The following SPAG16 variants were observed in gnomAD, a reference collection of about 807,000 sequenced individuals.
SPAG16 encodes sperm-associated antigen 16 protein.
In SPAG16, 86 loss-of-function variants were observed where a neutral mutation model predicts 80.4. The ratio of observed to expected loss-of-function variants is 1.07; its 90% CI spans 0.90 to 1.28. The LOEUF (loss-of-function observed/expected upper bound fraction) is 1.28, where lower values mean the gene tolerates loss of function less well. SPAG16 is among the 50% of genes most tolerant of loss of function. The pLI, the probability that SPAG16 is intolerant of heterozygous loss-of-function variation, is 0.00. For synonymous variants in SPAG16, 294 were observed against 265.9 expected (o/e 1.11, Z -1.03); for missense variants, 870 against 765.3 (o/e 1.14, Z -1.61).
At chr2:213,689,421 T>A (rs1345925443) in intron 10 of SPAG16, among the ~76,000 whole-genome samples, 1 of 152,144 alleles carries the variant, frequency 6.6e-6, no homozygotes, top group African/African-American at 2.4e-5. Context: ...TGGATATTTT[T>A]ATTCTATATT....
At chr2:213,869,129 TGTAATCCCAG>T (rs1343488591) in intron 11 of SPAG16, among the ~76,000 whole-genome samples, 1 of 150,960 alleles carries the variant, frequency 6.6e-6, no homozygotes, top group Non-Finnish European at 1.5e-5. Flanking sequence ...GACAGGCACC[TGTAATCCCAG>T]CTACTCGGGA....
chr2:214,340,784 C>T (rs369870765), intron 15 of SPAG16, among the ~76,000 whole-genome samples: 1 of 152,150 alleles, frequency 6.6e-6, no homozygotes, highest in Admixed American at 6.5e-5. Flanking sequence ...GTCAGGCCCA[C>T]CTGGATCCTG....
intron 13 of SPAG16, among the ~76,000 whole-genome samples, chr2:214,039,624 A>G (rs112571334): frequency 6.6e-6 from 1 of 152,158 alleles, no homozygotes; most frequent in Non-Finnish European, 1.5e-5. Context: ...TCTTTGTTGG[A>G]TTCTGTGGCA....
chr2:213,969,967 T>A (rs1372817986), intron 12 of SPAG16, among the ~76,000 whole-genome samples: 2 of 152,200 alleles, frequency 1.3e-5, no homozygotes, highest in African/African-American at 4.8e-5. Flanking sequence ...TTTTCACATT[T>A]TTGGAGCCTG....
At chr2:213,776,959 G>C (rs533683314) in intron 10 of SPAG16, among the ~76,000 whole-genome samples, 1 of 150,438 alleles carries the variant, frequency 6.6e-6, no homozygotes, top group Non-Finnish European at 1.5e-5. Context: ...TGGAAAAAAA[G>C]GTAAACTTAG....
At chr2:213,380,051 C>T (rs888719290) in intron 9 of SPAG16, among the ~76,000 whole-genome samples, 1 of 152,194 alleles carries the variant, frequency 6.6e-6, no homozygotes, top group African/African-American at 2.4e-5. Context: ...CATCCACGTA[C>T]CTCTTTCCTG....
chr2:213,291,054 A>G (rs968771289), intron 1 of SPAG16, among the ~76,000 whole-genome samples: 2 of 152,232 alleles, frequency 1.3e-5, no homozygotes, highest in Admixed American at 1.3e-4. Flanking sequence ...GGGTCGATAC[A>G]GAGATGGTAT....
At chr2:214,325,018 A>G (rs563688971) in intron 15 of SPAG16, among the ~76,000 whole-genome samples, 1 of 151,986 alleles carries the variant, frequency 6.6e-6, no homozygotes, top group African/African-American at 2.4e-5. Context: ...AAAACCCATA[A>G]TATCAGAAAA....
intron 14 of SPAG16, among the ~76,000 whole-genome samples, chr2:214,108,694 A>G (rs1358074200): frequency 6.6e-6 from 1 of 152,198 alleles, no homozygotes; most frequent in Non-Finnish European, 1.5e-5. Flanking sequence ...AAAAGCAGTT[A>G]AAGAAAAAAG....
intron 10 of SPAG16, among the ~76,000 whole-genome samples, chr2:213,679,107 A>T (rs980520219): frequency 3.3e-5 from 5 of 152,174 alleles, no homozygotes; most frequent in African/African-American, 1.2e-4. Context: ...GCTCTTAAAA[A>T]TGGATACCTG....
rs147945587 is a variant in SPAG16, at chr2:213,485,567, TC to T, written c.943-4395del. Among the ~76,000 whole-genome samples, 364 of 152,154 alleles carry T rather than the reference TC, an allele frequency of 2.4e-3. 5 individuals carry two copies. Among genetic ancestry groups the T allele is most frequent in the African/African-American group, 7.5e-3 (311 of 41,488 alleles). Reference sequence around the variant, plus strand: ...TTTTCCAGTGATGCATTTTTTTTTTTCATTTATGCTGTGTCCTTCACAGGAC... The same window carrying T: ...TTTTCCAGTGATGCATTTTTTTTTTTATTTATGCTGTGTCCTTCACAGGAC... On this transcript the variant is annotated intron_variant, in intron 9 of 15. Coordinates refer to ENST00000331683, the MANE Select transcript of SPAG16 (RefSeq NM_024532.5).
At chr2:213,839,268 T>C (rs2074251098) in intron 10 of SPAG16, among the ~76,000 whole-genome samples, 1 of 152,230 alleles carries the variant, frequency 6.6e-6, no homozygotes, top group African/African-American at 2.4e-5. Context: ...TTATTAATTA[T>C]TAGTTGAATC....
chr2:213,900,469 T>C (rs928180012), intron 11 of SPAG16, among the ~76,000 whole-genome samples: 16 of 152,156 alleles, frequency 1.1e-4, no homozygotes, highest in African/African-American at 3.9e-4. Context: ...ACATAATTTC[T>C]GTCCTCTCCC....
intron 15 of SPAG16, among the ~76,000 whole-genome samples, chr2:214,214,047 A>G (rs1216586476): frequency 1.3e-5 from 2 of 152,042 alleles, no homozygotes; most frequent in South Asian, 2.1e-4. Context: ...CATTCCCACT[A>G]TTCCATCGCA....
chr2:214,326,701 T>G (rs1333623395), intron 15 of SPAG16, among the ~76,000 whole-genome samples: 1 of 151,928 alleles, frequency 6.6e-6, no homozygotes, highest in South Asian at 2.1e-4. Flanking sequence ...ATCCTAGCAC[T>G]TTGGGAGGCC....
chr2:213,931,051 G>T (rs1575583398), intron 12 of SPAG16, among the ~76,000 whole-genome samples: 1 of 151,718 alleles, frequency 6.6e-6, no homozygotes, highest in African/African-American at 2.4e-5. Context: ...TCCTAGGGGT[G>T]GTAGCTCTTT....
intron 13 of SPAG16, among the ~76,000 whole-genome samples, chr2:214,043,411 G>A (rs1378523396): frequency 6.6e-6 from 1 of 152,148 alleles, no homozygotes; most frequent in African/African-American, 2.4e-5. Context: ...AATGGGGTCA[G>A]CTGCCAACAT....
At chr2:214,041,968 G>C (rs865903292) in intron 13 of SPAG16, among the ~76,000 whole-genome samples, 113 of 71,508 alleles carry the variant, frequency 1.6e-3, no homozygotes, top group Middle Eastern at 7.2e-3. Flanking sequence ...ATATTTGTGT[G>C]TCTGTGTGTG....
intron 15 of SPAG16, among the ~76,000 whole-genome samples, chr2:214,195,645 C>G (rs1412808417): frequency 6.6e-6 from 1 of 151,848 alleles, no homozygotes; most frequent in Non-Finnish European, 1.5e-5. Flanking sequence ...CTGGCTTGAT[C>G]CAGTGACTAA....
Sources: allele counts gnomAD v4.1 joint callset (sites outside exome capture counted in the v4.1 genomes callset), GRCh38; gene constraint gnomAD v4.1.1; transcripts MANE v1.5; gene names NCBI Gene and HGNC (gene_info 2026-07-23, HGNC 2026-07-21).